Variants in MAP3K15 observed in about 807,000 individuals in gnomAD.
MAP3K15 encodes the protein MAPK/ERK kinase kinase 15.
MAP3K15 carries 124 observed loss-of-function variants against 99.5 expected under a neutral mutation model. The ratio of observed to expected loss-of-function variants is 1.25; its 90% CI spans 1.08 to 1.45. The LOEUF (loss-of-function observed/expected upper bound fraction) is 1.45. Among genes scored for constraint, MAP3K15 ranks in the 40% most tolerant of loss-of-function variants. MAP3K15 has a pLI of 0.00. For missense variants in MAP3K15, 1,242 were observed against 1,079.7 expected, an observed-to-expected ratio of 1.15 and a Z score of -2.11; for synonymous variants, 494 against 439.6, an observed-to-expected ratio of 1.12 and a Z score of -1.55.
intron 15 of MAP3K15, among the ~76,000 whole-genome samples, chrX:19,397,391 T>C (rs1027659520): frequency 3.6e-5 from 4 of 111,807 alleles, no homozygotes; most frequent in African/African-American, 9.7e-5. Context: ...GAACAAATCA[T>C]AGCCATTTTC....
In MAP3K15 at chrX:19,395,036, G is replaced by A. The variant is rs374634674; in HGVS notation, c.2194+45C>T. On this transcript the variant is annotated intron_variant, in intron 16 of 28. Transcript: ENST00000338883. The stretch of plus-strand genomic sequence containing the variant: ...CAGGACAACAAATGACATCCACGTC[G>A]TAGTGATTTTCAGAATGTGAGACCA... 11 of 1,179,278 alleles carry A rather than the reference G, an allele frequency of 9.3e-6. No individual in the cohort carries two copies. The East Asian group carries it at 1.2e-4, about 13-fold the overall frequency.
At chrX:19,415,058 C>A in intron 10 of MAP3K15, 49 bp downstream of exon 10, 1 of 1,044,553 alleles carries the variant, frequency 9.6e-7, no homozygotes, top group South Asian at 2.4e-5. Context: ...AGCACCAATC[C>A]CTAGTTTTTT....
At chrX:19,451,424 T>C (rs1602319206) in intron 6 of MAP3K15, among the ~76,000 whole-genome samples, 1 of 99,454 alleles carries the variant, frequency 1.0e-5, no homozygotes, top group South Asian at 4.6e-4. Context: ...TGATCGGGAG[T>C]CAATAGCCAG....
intron 1 of MAP3K15, among the ~76,000 whole-genome samples, chrX:19,489,460 T>C (rs779159300): frequency 2.3e-4 from 25 of 110,958 alleles, no homozygotes; most frequent in Non-Finnish European, 4.0e-4. Context: ...CGCTATAGAA[T>C]GAACGTTTGT....
At chrX:19,403,799 TTGTC>T (rs1306157072) in intron 13 of MAP3K15, among the ~76,000 whole-genome samples, 9 of 110,906 alleles carry the variant, frequency 8.1e-5, no homozygotes. Flanking sequence ...GTGACAATGA[TTGTC>T]TGAGACACAA....
chrX:19,431,630 G>A (rs771983187), intron 6 of MAP3K15, 22 bp from the exon 7 acceptor site: 1 of 1,175,340 alleles, frequency 8.5e-7, no homozygotes, highest in South Asian at 1.9e-5. Context: ...ATGTTATAAG[G>A]TCACAAATGA....
chrX:19,500,550 C>G (rs2064434316), intron 1 of MAP3K15, among the ~76,000 whole-genome samples: 1 of 111,115 alleles, frequency 9.0e-6, no homozygotes, highest in South Asian at 3.8e-4. Context: ...GACTCACCCA[C>G]TACTCAACTC....
intron 10 of MAP3K15, 44 bp downstream of exon 10, chrX:19,415,063 T>G: frequency 9.3e-7 from 1 of 1,079,488 alleles, no homozygotes. Context: ...CAATCCCTAG[T>G]TTTTTTCCTA....
intron 3 of MAP3K15, among the ~76,000 whole-genome samples, chrX:19,467,594 C>A (rs886135892): frequency 1.8e-5 from 2 of 109,530 alleles, no homozygotes; most frequent in African/African-American, 6.6e-5. Context: ...TGGTGAAACC[C>A]CCTCTCTACT....
chrX:19,375,030 G>C (rs751042747), intron 19 of MAP3K15, among the ~76,000 whole-genome samples: 1 of 111,913 alleles, frequency 8.9e-6, no homozygotes, highest in South Asian at 3.8e-4. Context: ...AGCTGGAACT[G>C]CCATGAGGGA....
chrX:19,489,048 G>GATGAAGTAGA, intron 1 of MAP3K15, 81 bp from the exon 2 acceptor site: 87 of 916,306 alleles, frequency 9.5e-5, no homozygotes, highest in Middle Eastern at 3.1e-4. Context: ...CCAGTGAGGA[G>GATGAAGTAGA]CTATAGCAAT....
At chrX:19,442,461 C>G (rs972244486) in intron 6 of MAP3K15, among the ~76,000 whole-genome samples, 10 of 110,229 alleles carry the variant, frequency 9.1e-5, no homozygotes, top group Non-Finnish European at 1.7e-4. Flanking sequence ...TTATGTGGCT[C>G]TCTTCTAATA....
Position 19,371,549 on chromosome X carries a change from C to A in MAP3K15, c.3109-19G>T. Reference sequence around the variant, plus strand: ...CGGAACTCTGAAAACACACACAAATCATTTTCATTGAGTCAGATTGAGAGA... The same window carrying A: ...CGGAACTCTGAAAACACACACAAATAATTTTCATTGAGTCAGATTGAGAGA... On this transcript the variant is annotated intron_variant, in intron 22 of 28. Coordinates refer to ENST00000338883, the MANE Select transcript of MAP3K15 (RefSeq NM_001001671.4). 8.5e-7 allele frequency: 1 copy of A among 1,180,763 alleles called. No homozygotes were observed. The highest frequency in any genetic ancestry group is 1.8e-5 in the South Asian group (1 of 54,655).
intron 2 of MAP3K15, among the ~76,000 whole-genome samples, chrX:19,487,967 C>T (rs2064340873): frequency 9.0e-6 from 1 of 110,974 alleles, no homozygotes; most frequent in Non-Finnish European, 1.9e-5. Flanking sequence ...GTCCCAACCC[C>T]CATCCCCGAG....
At chrX:19,378,430 A>G (rs1307315394) in intron 19 of MAP3K15, among the ~76,000 whole-genome samples, 4 of 112,184 alleles carry the variant, frequency 3.6e-5, no homozygotes, top group Non-Finnish European at 7.5e-5. Context: ...GGGAGGCCTC[A>G]GGACATTTAC....
intron 2 of MAP3K15, among the ~76,000 whole-genome samples, chrX:19,488,114 A>G (rs1260693587): frequency 2.7e-5 from 3 of 112,025 alleles, no homozygotes; most frequent in Non-Finnish European, 5.6e-5. Flanking sequence ...ATGATTTAAC[A>G]TAGGCCAGGA....
intron 1 of MAP3K15, among the ~76,000 whole-genome samples, chrX:19,508,797 T>C (rs182106081): frequency 1.8e-5 from 2 of 110,481 alleles, no homozygotes; most frequent in African/African-American, 6.6e-5. Flanking sequence ...GGCAGGAGGA[T>C]TGCTCAAGTG....
intron 18 of MAP3K15, among the ~76,000 whole-genome samples, chrX:19,391,680 A>G (rs1332088411): frequency 1.9e-5 from 2 of 107,191 alleles, no homozygotes; most frequent in Non-Finnish European, 1.9e-5. Flanking sequence ...GTCTCAAAAA[A>G]AAAAAAAAAA....
At chrX:19,384,327 A>G (rs1407573888) in intron 18 of MAP3K15, among the ~76,000 whole-genome samples, 1 of 110,469 alleles carries the variant, frequency 9.1e-6, no homozygotes, top group Non-Finnish European at 1.9e-5. Flanking sequence ...AAGGATGGTT[A>G]CCAGAGGCTG....
Sources: allele counts gnomAD v4.1 joint callset (sites outside exome capture counted in the v4.1 genomes callset), GRCh38; gene constraint gnomAD v4.1.1; transcripts MANE v1.5; gene names NCBI Gene and HGNC (gene_info 2026-07-23, HGNC 2026-07-21).